SCAPER: variants seen among roughly 807,000 people sequenced by gnomAD.
The protein encoded by SCAPER is S-phase cyclin A associated protein in the ER, also known as S phase cyclin A-associated protein in the endoplasmic reticulum.
Under a neutral mutation model 182.2 loss-of-function variants are expected in SCAPER, and 98 were observed. The ratio of observed to expected loss-of-function variants is 0.54; its 90% CI spans 0.46 to 0.64. The LOEUF (loss-of-function observed/expected upper bound fraction) is 0.64, where lower values mean the gene tolerates loss of function less well. Ranked by LOEUF, SCAPER falls within the 30% of genes least tolerant of loss-of-function variation. The pLI, the probability that SCAPER is intolerant of heterozygous loss-of-function variation, is 0.00. For synonymous variants in SCAPER, 605 were observed against 564.6 expected (o/e 1.07, Z -1.01); for missense variants, 1,432 against 1,690.0 (o/e 0.85, Z 2.68).
chr15:76,590,684 T>A (rs892526605), intron 22 of SCAPER, among the ~76,000 whole-genome samples: 1 of 152,250 alleles, frequency 6.6e-6, no homozygotes, highest in Admixed American at 6.5e-5. Context: ...ATCCCACTAC[T>A]GGATGTCTAC....
At chr15:76,757,635 C>T (rs991252422) in intron 14 of SCAPER, among the ~76,000 whole-genome samples, 1 of 152,140 alleles carries the variant, frequency 6.6e-6, no homozygotes, top group Non-Finnish European at 1.5e-5. Context: ...AGAAGAAGAA[C>T]TGCTGATCGT....
At chr15:76,829,178 T>C (rs925710767) in intron 5 of SCAPER, among the ~76,000 whole-genome samples, 2 of 152,182 alleles carry the variant, frequency 1.3e-5, no homozygotes, top group South Asian at 2.1e-4. Flanking sequence ...TTGGAGGCCA[T>C]TATTCTAAGT....
At chr15:76,623,345 C>T (rs2052273486) in intron 21 of SCAPER, among the ~76,000 whole-genome samples, 1 of 152,124 alleles carries the variant, frequency 6.6e-6, no homozygotes, top group Admixed American at 6.5e-5. Flanking sequence ...ATGGTATTCC[C>T]TAGGCTTTCT....
At chr15:76,810,234 C>T (rs576730188) in intron 5 of SCAPER, among the ~76,000 whole-genome samples, 34 of 151,770 alleles carry the variant, frequency 2.2e-4, no homozygotes, top group African/African-American at 8.2e-4. Flanking sequence ...GTGGGCATAT[C>T]AATTATAATC....
At position 76,497,989 on chromosome 15, in the gene SCAPER, C is replaced by CAAAAAAAAAAAAAAAAA. The variant is rs747096625; in HGVS notation, c.2954+6853_2954+6869dup. 3.4e-5 allele frequency among the ~76,000 whole-genome samples: 2 copies of CAAAAAAAAAAAAAAAAA among 58,328 alleles called. 1 individual carries two copies. Among genetic ancestry groups the CAAAAAAAAAAAAAAAAA allele is most frequent in the African/African-American group, 1.3e-4 (2 of 15,786 alleles). The allele number at this position is 58,328 out of a possible 152,430, so 38.3% of individuals were successfully genotyped here. On this transcript the variant is annotated intron_variant, in intron 24 of 31. Coordinates refer to ENST00000563290, the MANE Select transcript of SCAPER (RefSeq NM_020843.4). The stretch of plus-strand genomic sequence containing the variant: ...CTGGTGATGGAGCGAGACTCCGTCT[C>CAAAAAAAAAAAAAAAAA]AAAAAAAAAAAAAAAAAAAAAAAAA...
At chr15:76,809,230 G>A (rs1014040975) in intron 5 of SCAPER, among the ~76,000 whole-genome samples, 1 of 152,108 alleles carries the variant, frequency 6.6e-6, no homozygotes, top group Non-Finnish European at 1.5e-5. Flanking sequence ...CAAAGAAAAT[G>A]AAGAAACAGG....
intron 17 of SCAPER, among the ~76,000 whole-genome samples, chr15:76,721,061 C>T (rs1478512968): frequency 2.6e-5 from 4 of 152,126 alleles, no homozygotes. Context: ...GGTTTTAGGT[C>T]TAACCTTTAA....
chr15:76,669,919 C>G (rs28639920), intron 20 of SCAPER, among the ~76,000 whole-genome samples: 1 of 152,158 alleles, frequency 6.6e-6, no homozygotes, highest in African/African-American at 2.4e-5. Flanking sequence ...ATTTACATAT[C>G]TAACAGAAAC....
In SCAPER at chr15:76,883,854, C is replaced by A; in HGVS notation, c.-37G>T. Reference sequence around the variant, plus strand: ...TCTTCTATGCCAAGATCATTTATCACATAAACCCATGGAGTATGACTCCTA... The same window carrying A: ...TCTTCTATGCCAAGATCATTTATCAAATAAACCCATGGAGTATGACTCCTA... On this transcript the variant is annotated 5_prime_UTR_variant, in exon 2 of 32. The change abolishes an upstream ATG in the 5' untranslated region. Coordinates refer to ENST00000563290, the MANE Select transcript of SCAPER (RefSeq NM_020843.4). 1.3e-6 allele frequency: 2 copies of A among 1,494,560 alleles called. No individual in the cohort carries two copies. The highest frequency in any genetic ancestry group is 2.4e-5 in the East Asian group (1 of 40,860). 92.6% of individuals were successfully genotyped at this position (1,494,560 alleles called of 1,614,324 possible). A position where few individuals can be genotyped will look rare whatever the true frequency, so the allele number is the denominator to read the frequency against.
intron 25 of SCAPER, among the ~76,000 whole-genome samples, chr15:76,445,728 C>T (rs2047953927): frequency 6.6e-6 from 1 of 152,130 alleles, no homozygotes; most frequent in African/African-American, 2.4e-5. Flanking sequence ...CTTCTGGCAC[C>T]ATCCTGGTGA....
chr15:76,372,863 C>T (rs544213584), intron 29 of SCAPER, among the ~76,000 whole-genome samples: 15 of 152,100 alleles, frequency 9.9e-5, no homozygotes, highest in Middle Eastern at 3.4e-3. Flanking sequence ...TAAAGCAGGA[C>T]GCAAGCATTT....
intron 27 of SCAPER, among the ~76,000 whole-genome samples, chr15:76,392,183 G>A (rs2142027495): frequency 6.6e-6 from 1 of 152,158 alleles, no homozygotes; most frequent in East Asian, 1.9e-4. Context: ...AACCTTACTT[G>A]CTGTGGCTTG....
At chr15:76,424,520 G>A (rs560266978) in intron 26 of SCAPER, among the ~76,000 whole-genome samples, 12 of 152,186 alleles carry the variant, frequency 7.9e-5, no homozygotes, top group South Asian at 2.1e-4. Flanking sequence ...GTCTCTGCAC[G>A]TGAGATGGGT....
intron 25 of SCAPER, among the ~76,000 whole-genome samples, chr15:76,442,392 T>C (rs2047674651): frequency 6.6e-6 from 1 of 152,218 alleles, no homozygotes; most frequent in South Asian, 2.1e-4. Flanking sequence ...TTCCAGTGCC[T>C]AAATATTTGT....
intron 14 of SCAPER, among the ~76,000 whole-genome samples, chr15:76,760,769 T>G (rs1377127777): frequency 6.6e-5 from 10 of 152,172 alleles, no homozygotes; most frequent in Admixed American, 6.5e-4. Flanking sequence ...GGAACCAGGG[T>G]CAAAGATCAC....
In SCAPER at chr15:76,442,023, A is replaced by C. The variant is rs115797144; in HGVS notation, c.3079-7713T>G. On this transcript the variant is annotated intron_variant, in intron 25 of 31. Transcript: ENST00000563290. ...GAAGGTCCAAGTTAAAGAGAAAACCAGCATTAAATATCTATCTATCTATCT... is the reference window on the plus strand; with the variant it reads ...GAAGGTCCAAGTTAAAGAGAAAACCCGCATTAAATATCTATCTATCTATCT... Among the ~76,000 whole-genome samples, 286 of 152,332 alleles carry C rather than the reference A, an allele frequency of 1.9e-3. 2 individuals are homozygous for C. Among genetic ancestry groups the C allele is most frequent in the African/African-American group, 6.7e-3 (277 of 41,572 alleles).
intron 1 of SCAPER, among the ~76,000 whole-genome samples, chr15:76,901,812 C>T (rs1397774430): frequency 3.9e-5 from 6 of 152,106 alleles, no homozygotes; most frequent in African/African-American, 9.7e-5. Context: ...CTCCACCTCC[C>T]GGATTCAAGC....
At chr15:76,472,083 C>T in intron 24 of SCAPER, 1 of 341,124 alleles carries the variant, frequency 2.9e-6, no homozygotes, top group South Asian at 2.6e-5. Flanking sequence ...AGCATATGTC[C>T]TGCCGCATCA....
At chr15:76,755,615 C>G (rs1408120448) in intron 14 of SCAPER, among the ~76,000 whole-genome samples, 3 of 152,150 alleles carry the variant, frequency 2.0e-5, no homozygotes, top group Non-Finnish European at 4.4e-5. Context: ...CTAATCTAAG[C>G]CACCTGGTTT....
Sources: gnomAD v4.1 joint callset for allele counts (sites outside exome capture counted in the v4.1 genomes callset) on GRCh38, gnomAD v4.1.1 for gene constraint, MANE v1.5 for transcripts, NCBI Gene and HGNC (gene_info 2026-07-23, HGNC 2026-07-21) for gene names.